AHNAK2: variants seen among roughly 807,000 people sequenced by gnomAD.
AHNAK2 encodes the protein protein AHNAK2.
In AHNAK2, 18 loss-of-function variants were observed where a neutral mutation model predicts 30.7. The ratio of observed to expected loss-of-function variants is 0.59; its 90% confidence interval spans 0.41 to 0.87. The LOEUF (loss-of-function observed/expected upper bound fraction) is 0.87. AHNAK2 is among the 40% of genes least tolerant of loss of function. The probability of loss-of-function intolerance (pLI) is 0.00; values close to 1 mark genes in which losing one functional copy is unlikely to be tolerated. For synonymous variants in AHNAK2, 3,590 were observed against 3,073.8 expected, an observed-to-expected ratio of 1.17 and a Z score of -5.56; for missense variants, 8,604 against 7,373.0, an observed-to-expected ratio of 1.17 and a Z score of -6.11.
In AHNAK2 at chr14:104,963,762, G is replaced by A. The variant is rs561531658; in HGVS notation, c.56-6090C>T. Among the ~76,000 whole-genome samples, 1,233 of 151,380 alleles carry A rather than the reference G, an allele frequency of 8.1e-3. 18 individuals are homozygous for A. Among genetic ancestry groups the A allele is most frequent in the African/African-American group, 0.028 (1,165 of 41,144 alleles). On this transcript the variant is annotated intron_variant, in intron 1 of 6. Coordinates refer to ENST00000333244, the MANE Select transcript of AHNAK2 (RefSeq NM_138420.4). ...GGAGAATGGCGTGAACCCGGGAGGC[G>A]GAGCTTGCAGTGAGCTGAGATTGCG...
Position 104,953,996 on chromosome 14 carries a change from T to G in AHNAK2, c.1455A>C (p.Arg485=), listed in dbSNP as rs373773788. 4 of 1,613,852 alleles carry G rather than the reference T, an allele frequency of 2.5e-6. No individual in the cohort carries two copies. In the African/African-American group the frequency reaches 5.3e-5, roughly 22 times the overall value. Residue 485 remains arginine, a synonymous_variant, in exon 7 of 7, where the codon CGA becomes CGC. Transcript: ENST00000333244. ...ATTTTGGTGTCTTTAAATCGTGTAC[T>G]CGCACCCTAATTTCTGGTGGGCCAA... ...TQIGPPEIRV[R]VHDLKTPKFA... is the part of the protein sequence containing the mutation.
At chr14:104,970,517 C>A (rs1899445195) in intron 1 of AHNAK2, 4 of 985,836 alleles carry the variant, frequency 4.1e-6, no homozygotes, top group Non-Finnish European at 4.8e-6. Flanking sequence ...TGGCCACCTC[C>A]CCCTGCCACG....
In AHNAK2 at chr14:104,949,980, T is replaced by C. The variant is rs1239057738; in HGVS notation, c.5471A>G (p.Lys1824Arg). Residue 1824 changes from lysine to arginine, a missense_variant, in exon 7 of 7, where the codon AAA becomes AGA. Coordinates refer to ENST00000333244, the MANE Select transcript of AHNAK2 (RefSeq NM_138420.4). ...CGACGGCATCTTGAACTTGGGCATTTTGAACTTGCTGTCTTTGGCAGTCAC... is the reference window on the plus strand; with the variant it reads ...CGACGGCATCTTGAACTTGGGCATTCTGAACTTGCTGTCTTTGGCAGTCAC... ...KDVTAKDSKF[K>R]MPKFKMPSFG... 1 of 1,588,088 alleles carries C rather than the reference T, an allele frequency of 6.3e-7. No homozygotes were observed. Among genetic ancestry groups the C allele is most frequent in the Admixed American group, 1.7e-5 (1 of 57,794 alleles).
In AHNAK2 at chr14:104,947,864, A is replaced by C. The variant is rs376551358; in HGVS notation, c.7587T>G (p.Thr2529=). 1.1e-4 allele frequency: 177 copies of C among 1,612,410 alleles called. 4 individuals carry two copies. In the African/African-American group the frequency reaches 1.9e-3, roughly 17 times the overall value. Residue 2529 remains threonine (T), a synonymous_variant, in exon 7 of 7, where the codon ACT becomes ACG. Transcript: ENST00000333244. ...CGGAAGGGGGCTGAATGCTGAGGTC[A>C]GTGGCCTTGAGGTCCCCCTGCATGG... ...LSSMQGDLKA[T]DLSIQPPSAD... is the part of the protein sequence containing the mutation.
At position 104,952,118 on chromosome 14, in the gene AHNAK2, T is replaced by C. The variant is rs145735162; in HGVS notation, c.3333A>G (p.Lys1111=). ...VDVKGPKLDL[K]SPKAEVTAPD... ...GGGCTGTGACTTCCGCCTTGGGGCT[T>C]TTCAGGTCCAGCTTGGGGCCCTTGA... Residue 1111 remains lysine (K), a synonymous_variant, in exon 7 of 7, where the codon AAA becomes AAG. Transcript: ENST00000333244. 1.4e-3 allele frequency: 2,277 copies of C among 1,612,364 alleles called. 102 individuals carry two copies. The African/African-American group carries it at 0.027, about 19-fold the overall frequency.
Position 104,940,249 on chromosome 14 carries a change from C to G in AHNAK2, c.15202G>C (p.Gly5068Arg), listed in dbSNP as rs371225690. The change falls in exon 7 of 7, where the codon GGT (glycine) becomes CGT (arginine). Residue 5068 changes from glycine to arginine, a missense_variant. Gly to Arg is a moderately radical substitution (Grantham distance 125). Transcript: ENST00000333244. This position sits in a 1 kb window ranked among gnomAD's most constrained non-coding sequence, Gnocchi z 4.4. ...GTTGCACCAAGTCCTCCCCTACCAC[C>G]GTCACTGCTGGCCTTTTCTGTGTCT... ...FQDTEKASSD[G>R]GRGGLGATAS... 1 of 1,613,632 alleles carries G rather than the reference C, an allele frequency of 6.2e-7. No homozygotes were observed. Among genetic ancestry groups the G allele is most frequent in the Non-Finnish European group, 8.5e-7 (1 of 1,179,894 alleles).
intron 1 of AHNAK2, among the ~76,000 whole-genome samples, chr14:104,960,503 C>A (rs1899106127): frequency 6.6e-6 from 1 of 152,148 alleles, no homozygotes; most frequent in Admixed American, 6.6e-5. Flanking sequence ...ATAGAAGGGA[C>A]TTGAGCATCC....
At chr14:104,971,585 G>A (rs1203330493) in intron 1 of AHNAK2, among the ~76,000 whole-genome samples, 3 of 151,638 alleles carry the variant, frequency 2.0e-5, no homozygotes, top group Non-Finnish European at 4.4e-5. Context: ...ATCCTTCCCC[G>A]TCATTTCAAT....
rs1898310478 is a variant in AHNAK2 at position 104,946,935 on chromosome 14, G to C, written c.8516C>G (p.Ser2839Cys). Residue 2839 changes from serine to cysteine, a missense_variant, in exon 7 of 7, where the codon TCT becomes TGT. By Grantham distance (112) the Ser-to-Cys change is moderately radical. Coordinates refer to ENST00000333244, the MANE Select transcript of AHNAK2 (RefSeq NM_138420.4). ...CCCGTCAGCTTCCACCTTCAGCTCA[G>C]ACACATCCACCGAGGCCTCGATGGA... is the stretch of plus-strand genomic sequence containing the variant. ...GKSIEASVDVSELKVEADGSF... is the reference protein window; with the variant it reads ...GKSIEASVDVCELKVEADGSF... 1.2e-6 allele frequency: 2 copies of C among 1,612,596 alleles called. No homozygotes were observed. Among genetic ancestry groups the C allele is most frequent in the Non-Finnish European group, 8.5e-7 (1 of 1,179,716 alleles).
In AHNAK2 at chr14:104,950,567, G is replaced by T. The variant is rs775682438; in HGVS notation, c.4884C>A (p.Val1628=). The T allele has an allele frequency of 1.3e-6, 2 of 1,587,118 alleles. No homozygotes were observed. Among genetic ancestry groups the T allele is most frequent in the East Asian group, 4.5e-5 (2 of 44,258 alleles). ...KMSLSSMEVD[V]QAPRAKLDGA... is the part of the protein sequence containing the mutation. Reference sequence around the variant, plus strand: ...CATCCAGCTTTGCTCTCGGGGCCTGGACGTCCACCTCCATGCTGGACAGAG... The same window carrying T: ...CATCCAGCTTTGCTCTCGGGGCCTGTACGTCCACCTCCATGCTGGACAGAG... The change falls in exon 7 of 7, where the codon GTC becomes GTA. Residue 1628 remains valine, a synonymous_variant. Coordinates refer to ENST00000333244, the MANE Select transcript of AHNAK2 (RefSeq NM_138420.4).
chr14:104,944,742 T>C lies in AHNAK2; in HGVS notation c.10709A>G (p.Asp3570Gly), dbSNP rs140147743. The stretch of plus-strand genomic sequence containing the variant: ...AACATCTATCTGGGGGCCCTTGAGG[T>C]CCACTTTGGGCGTCTTTAAACTGGG... ...EMPSLKTPKV[D>G]LKGPQIDVKG... Residue 3570 changes from aspartate to glycine, a missense_variant, in exon 7 of 7, where the codon GAC becomes GGC. Coordinates refer to ENST00000333244, the MANE Select transcript of AHNAK2 (RefSeq NM_138420.4). The C allele has an allele frequency of 6.2e-7, 1 of 1,611,876 alleles. No individual in the cohort carries two copies. Among genetic ancestry groups the C allele is most frequent in the Non-Finnish European group, 8.5e-7 (1 of 1,179,246 alleles).
chr14:104,971,967 C>T (rs886375530), intron 1 of AHNAK2, among the ~76,000 whole-genome samples: 4 of 152,242 alleles, frequency 2.6e-5, no homozygotes, highest in Non-Finnish European at 5.9e-5. Context: ...GCCCCAACGG[C>T]ATGGGAAGAG....
Position 104,946,064 on chromosome 14 carries a change from C to G in AHNAK2, c.9387G>C (p.Leu3129=), listed in dbSNP as rs1182366410. Residue 3129 remains leucine, a synonymous_variant, in exon 7 of 7, where the codon CTG becomes CTC. Coordinates refer to ENST00000333244, the MANE Select transcript of AHNAK2 (RefSeq NM_138420.4). ...CAGTCACATCCTTGTCGGCCAGGGA[C>G]AGGTCCCCCTCCAGCCGTGCACCAT... ...KLDGARLEGD[L]SLADKDVTAK... 1 of 1,608,784 alleles carries G rather than the reference C, an allele frequency of 6.2e-7. No individual in the cohort carries two copies. Among genetic ancestry groups the G allele is most frequent in the South Asian group, 1.1e-5 (1 of 90,684 alleles).
Position 104,950,224 on chromosome 14 carries a change from T to C in AHNAK2, c.5227A>G (p.Lys1743Glu), listed in dbSNP as rs1898601080. 3.2e-6 allele frequency: 5 copies of C among 1,585,638 alleles called. 1 individual carries two copies. The highest frequency in any genetic ancestry group is 1.7e-5 in the Admixed American group (1 of 57,354). The change falls in exon 7 of 7, where the codon AAG becomes GAG. Residue 1743 changes from lysine (K) to glutamate (E), a missense_variant. Transcript: ENST00000333244. ...EGAGFKGHLP[K>E]VQMPSLKMPK... ...ATCTTCAAACTGGGCATCTGCACCT[T>C]GGGGAGGTGCCCTTTGAAGCCGGCT...
chr14:104,961,297 G>A (rs1372273329), intron 1 of AHNAK2, among the ~76,000 whole-genome samples: 9 of 151,430 alleles, frequency 5.9e-5, no homozygotes, highest in South Asian at 4.2e-4. Context: ...GGCGGATCAC[G>A]AGGTCAGGAG....
chr14:104,967,961 C>T (rs1217508786), intron 1 of AHNAK2, among the ~76,000 whole-genome samples: 2 of 152,246 alleles, frequency 1.3e-5, no homozygotes, highest in South Asian at 2.1e-4. Context: ...GCCCGGCCTC[C>T]GGTTCTCCCA....
In AHNAK2 at chr14:104,949,955, C is replaced by G. The variant is rs11851045; in HGVS notation, c.5496G>C (p.Ser1832=). ...KFKMPKFKMP[S]FGVSAPGKSI... ...ACTTGCCTGGGGCAGACACCCCGAA[C>G]GACGGCATCTTGAACTTGGGCATTT... The change falls in exon 7 of 7, where the codon TCG becomes TCC. Residue 1832 remains serine, a synonymous_variant. Coordinates refer to ENST00000333244, the MANE Select transcript of AHNAK2 (RefSeq NM_138420.4). The G allele has an allele frequency of 1.0e-4, 163 of 1,585,564 alleles. 11 individuals are homozygous for G. Among genetic ancestry groups the G allele is most frequent in the African/African-American group, 8.6e-4 (61 of 71,050 alleles).
At position 104,950,760 on chromosome 14, in the gene AHNAK2, C is replaced by A. The variant is rs767504099; in HGVS notation, c.4691G>T (p.Gly1564Val). Residue 1564 changes from glycine (G) to valine (V), a missense_variant, in exon 7 of 7, where the codon GGC becomes GTC. Coordinates refer to ENST00000333244, the MANE Select transcript of AHNAK2 (RefSeq NM_138420.4). ...AGQVDVKLPEGPVSEGAGLKG... is the reference protein window; with the variant it reads ...AGQVDVKLPEVPVSEGAGLKG... ...GAGGCCGGCTCCCTCGGACACAGGG[C>A]CCTCTGGGAGTTTCACGTCCACTTG... 8 of 1,587,352 alleles carry A rather than the reference C, an allele frequency of 5.0e-6. 1 individual carries two copies. Among genetic ancestry groups the A allele is most frequent in the Middle Eastern group, 1.7e-4 (1 of 6,046 alleles).
rs768577401 is a variant in AHNAK2, at chr14:104,941,481, G to A, written c.13970C>T (p.Thr4657Ile). The A allele has an allele frequency of 2.5e-6, 4 of 1,612,934 alleles. No individual in the cohort carries two copies. Among genetic ancestry groups the A allele is most frequent in the Non-Finnish European group, 3.4e-6 (4 of 1,179,732 alleles). Residue 4657 changes from threonine (T) to isoleucine (I), a missense_variant, in exon 7 of 7, where the codon ACA becomes ATA. Transcript: ENST00000333244. ...MSSSEIEGNV[T>I]FHEKTSTFPI... ...AAATGTGGAAGTCTTCTCATGGAAT[G>A]TAACATTTCCTTCGATTTCAGAGGA...
Sources: gnomAD v4.1 joint callset for allele counts (sites outside exome capture counted in the v4.1 genomes callset) on GRCh38, gnomAD v4.1.1 for gene constraint, Gnocchi (gnomAD v3.1) non-coding constraint, MANE v1.5 for transcripts, NCBI Gene and HGNC (gene_info 2026-07-23, HGNC 2026-07-21) for gene names.